The following CASTOR2 variants were observed in gnomAD, a reference collection of about 807,000 sequenced individuals.
CASTOR2 encodes GATS protein like 2.
In CASTOR2, 8 loss-of-function variants were observed where a neutral mutation model predicts 31.2. The ratio of observed to expected loss-of-function variants is 0.26; its 90% CI spans 0.15 to 0.46. The LOEUF is 0.46. Among genes scored for constraint, CASTOR2 ranks in the 20% least tolerant of loss-of-function variants. The probability of loss-of-function intolerance (pLI) is 0.99; values close to 1 mark genes in which losing one functional copy is unlikely to be tolerated. For missense variants in CASTOR2, 216 were observed against 382.1 expected, an observed-to-expected ratio of 0.57 and a Z score of 3.62; for synonymous variants, 162 against 158.7, an observed-to-expected ratio of 1.02 and a Z score of -0.16.
chr7:74,987,503 T>C (rs1804097127), intron 1 of CASTOR2, among the ~76,000 whole-genome samples: 1 of 151,946 alleles, frequency 6.6e-6, no homozygotes, highest in African/African-American at 2.4e-5. Context: ...GAGGGCAGAT[T>C]CTCCTGCAGT....
In CASTOR2 at chr7:75,027,408, C is replaced by G. The variant is rs1325774508; in HGVS notation, c.*2709C>G. The stretch of plus-strand genomic sequence containing the variant: ...ACCAGAATGCCCCCTCTCCCCTGCC[C>G]TCGCCAGCAGCCTCACCCTGAAGAC... On this transcript the variant is annotated 3_prime_UTR_variant, in exon 9 of 9. Transcript: ENST00000616305. The G allele has an allele frequency of 6.5e-6, 1 of 153,518 alleles. No individual in the cohort carries two copies. The highest frequency in any genetic ancestry group is 1.5e-5 in the Non-Finnish European group (1 of 68,618). The allele number at this position is 153,518 out of a possible 1,614,324, so 9.5% of individuals were successfully genotyped here.
intron 4 of CASTOR2, 27 bp from the exon 5 acceptor site, chr7:75,018,945 G>A (rs1804930298): frequency 6.4e-7 from 1 of 1,551,842 alleles, no homozygotes; most frequent in Non-Finnish European, 8.7e-7. Flanking sequence ...CCCAGCCTCA[G>A]TGCCTGACAT....
chr7:75,016,168 A>G (rs1390692368), intron 2 of CASTOR2, among the ~76,000 whole-genome samples: 1 of 152,100 alleles, frequency 6.6e-6, no homozygotes, highest in African/African-American at 2.4e-5. Flanking sequence ...GGGTTTATGC[A>G]GGTGCCTGGT....
At chr7:75,011,765 C>A (rs1231562451) in intron 2 of CASTOR2, among the ~76,000 whole-genome samples, 2 of 134,550 alleles carry the variant, frequency 1.5e-5, no homozygotes, top group Non-Finnish European at 3.1e-5. Flanking sequence ...AAAAGGAGTT[C>A]GAGACCAGCC....
At chr7:75,007,466 CCT>C (rs1266770752) in intron 1 of CASTOR2, among the ~76,000 whole-genome samples, 1 of 152,104 alleles carries the variant, frequency 6.6e-6, no homozygotes, top group Non-Finnish European at 1.5e-5. Flanking sequence ...TGGCTGCATT[CCT>C]CTCTCTTTAG....
At position 75,030,477 on chromosome 7, in the gene CASTOR2, G is replaced by A. The variant is rs991807510; in HGVS notation, c.*5778G>A. Among the ~76,000 whole-genome samples the A allele has an allele frequency of 4.6e-5, 7 of 152,192 alleles. No individual in the cohort carries two copies. Among genetic ancestry groups the A allele is most frequent in the African/African-American group, 9.7e-5 (4 of 41,446 alleles). ...CCCACTTGTCAGAACTACTCTGGAG[G>A]GGGGCAAAGGTGTCAGGAACAGTTT... On this transcript the variant is annotated 3_prime_UTR_variant, in exon 9 of 9. Transcript: ENST00000616305.
intron 1 of CASTOR2, among the ~76,000 whole-genome samples, chr7:74,987,748 A>G (rs1804105923): frequency 6.6e-6 from 1 of 151,962 alleles, no homozygotes; most frequent in Non-Finnish European, 1.5e-5. Context: ...GAGACAGAGC[A>G]CCTAGGCTGG....
intron 1 of CASTOR2, among the ~76,000 whole-genome samples, chr7:74,983,315 T>A (rs1339454388): frequency 6.6e-6 from 1 of 151,202 alleles, no homozygotes; most frequent in Non-Finnish European, 1.5e-5. Context: ...CCCGGCCACA[T>A]TTCTTTCTTC....
chr7:75,005,819 CA>C (rs1195049622), intron 1 of CASTOR2, among the ~76,000 whole-genome samples: 1 of 152,104 alleles, frequency 6.6e-6, no homozygotes, highest in Non-Finnish European at 1.5e-5. Flanking sequence ...CTGATCTCTA[CA>C]AAAACAACTT....
chr7:74,998,655 A>T (rs1268836068), intron 1 of CASTOR2, among the ~76,000 whole-genome samples: 1 of 150,208 alleles, frequency 6.7e-6, no homozygotes, highest in Non-Finnish European at 1.5e-5. Flanking sequence ...CAGTACTATG[A>T]TGGATATCAC....
At chr7:74,996,489 T>C (rs1447257095) in intron 1 of CASTOR2, among the ~76,000 whole-genome samples, 1 of 151,762 alleles carries the variant, frequency 6.6e-6, no homozygotes, top group Non-Finnish European at 1.5e-5. Flanking sequence ...GGTCAAATAT[T>C]TCCATTGTGG....
At chr7:74,971,925 A>G (rs1803685030) in intron 1 of CASTOR2, among the ~76,000 whole-genome samples, 2 of 147,446 alleles carry the variant, frequency 1.4e-5, no homozygotes, top group Admixed American at 1.4e-4. Context: ...CCCCTCTGGA[A>G]CCTGAACCTA....
At chr7:74,973,070 A>G (rs1403064034) in intron 1 of CASTOR2, among the ~76,000 whole-genome samples, 9 of 149,896 alleles carry the variant, frequency 6.0e-5, no homozygotes, top group African/African-American at 2.2e-4. Flanking sequence ...CATTGGGCTG[A>G]GGCCACTGTC....
intron 2 of CASTOR2, among the ~76,000 whole-genome samples, chr7:75,013,409 C>G (rs1178088189): frequency 6.6e-6 from 1 of 152,126 alleles, no homozygotes; most frequent in Non-Finnish European, 1.5e-5. Flanking sequence ...CTTTGGGAGG[C>G]TGAGGCAGGT....
intron 2 of CASTOR2, among the ~76,000 whole-genome samples, chr7:75,017,391 G>A (rs1333907141): frequency 3.2e-4 from 48 of 152,138 alleles, no homozygotes; most frequent in Non-Finnish European, 1.9e-4. Flanking sequence ...AGGTTGCAGT[G>A]AGCCGAGATC....
intron 1 of CASTOR2, among the ~76,000 whole-genome samples, chr7:74,976,117 A>C (rs1453708108): frequency 8.6e-6 from 1 of 116,174 alleles, no homozygotes; most frequent in South Asian, 3.3e-4. Flanking sequence ...TGTTGTTTCA[A>C]GCCACTAAGA....
At chr7:75,003,516 C>G (rs1432967960) in intron 1 of CASTOR2, among the ~76,000 whole-genome samples, 1 of 151,814 alleles carries the variant, frequency 6.6e-6, no homozygotes, top group Non-Finnish European at 1.5e-5. Flanking sequence ...TTTGGGAGGC[C>G]GAGGCGGGCA....
Position 75,027,833 on chromosome 7 carries a change from C to T in CASTOR2, c.*3134C>T. ...TAGTCTTGGTTTGGTCTCCACAGCT[C>T]TTCGGGGTGGGGTGTGAGTGTGGTT... On this transcript the variant is annotated 3_prime_UTR_variant, in exon 9 of 9. Transcript: ENST00000616305. The T allele has an allele frequency of 1.5e-6, 1 of 658,278 alleles. No homozygotes were observed. The highest frequency in any genetic ancestry group is 2.3e-5 in the Admixed American group (1 of 42,632). 40.8% of individuals were successfully genotyped at this position (658,278 alleles called of 1,614,324 possible).
chr7:75,029,000 C>T lies in CASTOR2; in HGVS notation c.*4301C>T, dbSNP rs1805222396. Among the ~76,000 whole-genome samples the T allele has an allele frequency of 6.6e-6, 1 of 151,660 alleles. No individual in the cohort carries two copies. The highest frequency in any genetic ancestry group is 1.9e-4 in the East Asian group (1 of 5,194). ...CTTCCAGTGTGGCCTCCGGAAGCAGCAGCGTAGCCAGGGTGACATTTGTTC... is the reference window on the plus strand; with the variant it reads ...CTTCCAGTGTGGCCTCCGGAAGCAGTAGCGTAGCCAGGGTGACATTTGTTC... On this transcript the variant is annotated 3_prime_UTR_variant, in exon 9 of 9. Transcript: ENST00000616305.
Sources: gnomAD v4.1 joint callset for allele counts (sites outside exome capture counted in the v4.1 genomes callset) on GRCh38, gnomAD v4.1.1 for gene constraint, MANE v1.5 for transcripts, NCBI Gene and HGNC (gene_info 2026-07-23, HGNC 2026-07-21) for gene names.